LRP1B: variants seen among roughly 807,000 people sequenced by gnomAD.
The protein encoded by LRP1B is LDL receptor related protein 1B.
A neutral mutation model predicts 556.6 loss-of-function variants in LRP1B; 217 were observed. That is an observed-to-expected ratio of 0.39 (90% CI 0.35 to 0.44). The LOEUF (loss-of-function observed/expected upper bound fraction) is 0.44. Among genes scored for constraint, LRP1B ranks in the 20% least tolerant of loss-of-function variants. LRP1B has a pLI of 1.00. For missense variants in LRP1B, 5,053 were observed against 5,620.8 expected, an observed-to-expected ratio of 0.90 and a Z score of 3.23; for synonymous variants, 2,047 against 1,865.8, an observed-to-expected ratio of 1.10 and a Z score of -2.50.
At position 141,923,987 on chromosome 2, in the gene LRP1B, G is replaced by C. The variant is rs550749946; in HGVS notation, c.83-113586C>G. Among the ~76,000 whole-genome samples, 11 of 152,126 alleles carry C rather than the reference G, an allele frequency of 7.2e-5. No homozygotes were observed. The East Asian group carries it at 1.8e-3, about 24-fold the overall frequency. On this transcript the variant is annotated intron_variant, in intron 1 of 90. Transcript: ENST00000389484. ...GAAAAGCATGCTATTGATATGGACA[G>C]GAGACAGGGAAATACTGGGTAGAAG...
At chr2:140,352,916 A>C in intron 76 of LRP1B, 37 bp downstream of exon 76, 1 of 1,574,056 alleles carries the variant, frequency 6.4e-7, no homozygotes, top group Non-Finnish European at 8.6e-7. Flanking sequence ...TTACAACAAA[A>C]TTGTAATAGG....
At chr2:140,911,610 G>T (rs1202463535) in intron 21 of LRP1B, among the ~76,000 whole-genome samples, 1 of 151,692 alleles carries the variant, frequency 6.6e-6, no homozygotes, top group Non-Finnish European at 1.5e-5. Context: ...TTGTCACCAA[G>T]GGGCTTATAA....
chr2:140,962,807 C>T (rs555375157), intron 18 of LRP1B, among the ~76,000 whole-genome samples: 5 of 152,194 alleles, frequency 3.3e-5, no homozygotes, highest in South Asian at 2.1e-4. Context: ...TATTTCATTT[C>T]GTTTTGTTTT....
chr2:141,063,185 C>T (rs1322753009), intron 7 of LRP1B, among the ~76,000 whole-genome samples: 1 of 151,740 alleles, frequency 6.6e-6, no homozygotes, highest in Non-Finnish European at 1.5e-5. Context: ...CAAGAATAAT[C>T]CAATTTACAG....
intron 2 of LRP1B, among the ~76,000 whole-genome samples, chr2:141,512,494 T>C (rs561303653): frequency 3.9e-4 from 59 of 152,288 alleles, no homozygotes; most frequent in Middle Eastern, 3.4e-3. Flanking sequence ...ATGGAAATGA[T>C]TGGAGTGACC....
rs140682599 is a variant in LRP1B, at chr2:140,715,030, A to G, written c.6023+943T>C. Among the ~76,000 whole-genome samples the G allele has an allele frequency of 4.4e-3, 677 of 152,296 alleles. 7 individuals carry two copies. The highest frequency in any genetic ancestry group is 0.024 in the Middle Eastern group (7 of 294). On this transcript the variant is annotated intron_variant, in intron 37 of 90. Transcript: ENST00000389484. ...AATATAAGAAGAGCATTGCAGGTAA[A>G]AGGAAGAGGTTGGCAAAGGCTGGAA...
chr2:141,883,144 A>C (rs574435219), intron 1 of LRP1B, among the ~76,000 whole-genome samples: 1 of 152,318 alleles, frequency 6.6e-6, no homozygotes, highest in African/African-American at 2.4e-5. Context: ...ACAGTGCCAC[A>C]AAGTGTTAAA....
intron 1 of LRP1B, among the ~76,000 whole-genome samples, chr2:141,919,156 T>G (rs535717423): frequency 6.6e-6 from 1 of 152,214 alleles, no homozygotes; most frequent in South Asian, 2.1e-4. Flanking sequence ...ATTGGAATAC[T>G]TATATATATG....
intron 6 of LRP1B, among the ~76,000 whole-genome samples, chr2:141,216,525 C>A (rs1317602344): frequency 6.6e-6 from 1 of 152,090 alleles, no homozygotes; most frequent in Non-Finnish European, 1.5e-5. Flanking sequence ...GGAAGGGGGC[C>A]ATTATCCTTC....
chr2:140,873,263 T>C (rs1474617032), intron 25 of LRP1B, among the ~76,000 whole-genome samples: 1 of 152,138 alleles, frequency 6.6e-6, no homozygotes, highest in Non-Finnish European at 1.5e-5. Context: ...CAAGACGGAA[T>C]GATCTTTGCT....
intron 66 of LRP1B, among the ~76,000 whole-genome samples, chr2:140,404,461 C>T (rs1416833256): frequency 2.0e-5 from 3 of 151,920 alleles, no homozygotes; most frequent in Non-Finnish European, 4.4e-5. Flanking sequence ...CATGAGCCAC[C>T]GTGCCTGGCC....
intron 3 of LRP1B, among the ~76,000 whole-genome samples, chr2:141,262,350 G>T (rs908674853): frequency 6.6e-6 from 1 of 151,850 alleles, no homozygotes; most frequent in East Asian, 1.9e-4. Flanking sequence ...CGAGATATAT[G>T]ATTTGTATAT....
rs1306022887 is a variant in LRP1B at position 141,072,061 on chromosome 2, GACAGGCTA to G, written c.1014-9796_1014-9789del. On this transcript the variant is annotated intron_variant, in intron 7 of 90. Coordinates refer to ENST00000389484, the MANE Select transcript of LRP1B (RefSeq NM_018557.3). The stretch of plus-strand genomic sequence containing the variant: ...ACACAAGTCTCTGCTTAAAGCATAA[GACAGGCTA>G]ACATTTTGTCCACTGATACAAACCA... 2.6e-5 allele frequency among the ~76,000 whole-genome samples: 4 copies of G among 151,988 alleles called. No individual in the cohort carries two copies. The East Asian group carries it at 7.7e-4, about 29-fold the overall frequency.
At chr2:140,918,554 T>C (rs1163033328) in intron 21 of LRP1B, among the ~76,000 whole-genome samples, 6 of 152,118 alleles carry the variant, frequency 3.9e-5, no homozygotes, top group Non-Finnish European at 5.9e-5. Context: ...CTTCCTGTAC[T>C]CTCACCAGCA....
intron 86 of LRP1B, among the ~76,000 whole-genome samples, chr2:140,259,420 C>T (rs1053794412): frequency 6.6e-6 from 1 of 151,948 alleles, no homozygotes; most frequent in African/African-American, 2.4e-5. Context: ...ACTCAAGAAA[C>T]ATCATATAAC....
chr2:141,740,510 A>G (rs1693656349), intron 2 of LRP1B, among the ~76,000 whole-genome samples: 1 of 152,190 alleles, frequency 6.6e-6, no homozygotes, highest in South Asian at 2.1e-4. Context: ...ATATTTTGAT[A>G]TAGGCATGCA....
At chr2:141,334,975 C>T (rs1031748802) in intron 3 of LRP1B, among the ~76,000 whole-genome samples, 3 of 152,304 alleles carry the variant, frequency 2.0e-5, no homozygotes, top group South Asian at 2.1e-4. Flanking sequence ...AGCTTTCTAT[C>T]ATATCTTATA....
chr2:140,292,173 G>T (rs532883872), intron 84 of LRP1B, among the ~76,000 whole-genome samples: 4 of 152,246 alleles, frequency 2.6e-5, no homozygotes, highest in African/African-American at 9.6e-5. Flanking sequence ...TCTCTAAATT[G>T]CAGATTAGGG....
At chr2:142,056,787 A>G (rs186017053) in intron 1 of LRP1B, among the ~76,000 whole-genome samples, 4 of 151,608 alleles carry the variant, frequency 2.6e-5, no homozygotes, top group African/African-American at 9.7e-5. Flanking sequence ...TATGAGAGAA[A>G]TGTAGATCTT....
Sources: allele counts gnomAD v4.1 joint callset (sites outside exome capture counted in the v4.1 genomes callset), GRCh38; gene constraint gnomAD v4.1.1; transcripts MANE v1.5; gene names NCBI Gene and HGNC (gene_info 2026-07-23, HGNC 2026-07-21).